SUMF1: variants seen among roughly 807,000 people sequenced by gnomAD.
SUMF1 encodes formylglycine-generating enzyme.
In SUMF1, 48 loss-of-function variants were observed where a neutral mutation model predicts 47.6. That is an observed-to-expected ratio of 1.01 (90% CI 0.80 to 1.28). The LOEUF is 1.28. Among genes scored for constraint, SUMF1 ranks in the 50% most tolerant of loss-of-function variants. The probability of loss-of-function intolerance (pLI) is 0.00; values close to 1 mark genes in which losing one functional copy is unlikely to be tolerated. For missense variants in SUMF1, 571 were observed against 485.4 expected (o/e 1.18, Z -1.66); for synonymous variants, 230 against 192.1 (o/e 1.20, Z -1.63).
At chr3:4,037,915 G>A (rs1401568766) in intron 9 of SUMF1, among the ~76,000 whole-genome samples, 2 of 152,114 alleles carry the variant, frequency 1.3e-5, no homozygotes, top group South Asian at 4.2e-4. Context: ...CACAGTTGGC[G>A]GGTTATGTTA....
intron 7 of SUMF1, among the ~76,000 whole-genome samples, chr3:4,400,950 G>A (rs1230150079): frequency 7.5e-6 from 1 of 133,544 alleles, no homozygotes; most frequent in Non-Finnish European, 1.7e-5. Context: ...TTCTCCTAAT[G>A]CTATCCCTCC....
intron 7 of SUMF1, among the ~76,000 whole-genome samples, chr3:4,383,098 G>C (rs1387340235): frequency 6.6e-6 from 1 of 151,820 alleles, no homozygotes; most frequent in Admixed American, 6.6e-5. Flanking sequence ...AGAGATCAGG[G>C]CCGGGCGCAG....
intron 6 of SUMF1, among the ~76,000 whole-genome samples, chr3:4,413,292 C>A (rs1412826316): frequency 2.0e-5 from 3 of 152,142 alleles, no homozygotes; most frequent in Non-Finnish European, 2.9e-5. Context: ...AAGCATGAGG[C>A]ACCAGACCCA....
intron 8 of SUMF1, among the ~76,000 whole-genome samples, chr3:4,165,234 A>C (rs1484309343): frequency 1.3e-5 from 2 of 152,168 alleles, no homozygotes; most frequent in East Asian, 3.8e-4. Context: ...CGTCTCTCCA[A>C]GTGAAGTCGA....
rs1190881290 is a variant in SUMF1, at chr3:4,217,512, TTTTA to T, written c.1015-148771_1015-148768del. Among the ~76,000 whole-genome samples the T allele has an allele frequency of 1.9e-4, 9 of 47,514 alleles. 2 individuals are homozygous for T. The highest frequency in any genetic ancestry group is 3.4e-4 in the African/African-American group (3 of 8,866). 31.2% of individuals were successfully genotyped at this position (47,514 alleles called of 152,430 possible). On this transcript the variant is annotated intron_variant and NMD_transcript_variant, in intron 8 of 12. Coordinates refer to the SUMF1 transcript ENST00000448413. The stretch of plus-strand genomic sequence containing the variant: ...CATGTATCCCAGAACTTAAAGTATT[TTTTA>T]TATATATATATATATATATATATGA...
chr3:4,367,185 A>AG (rs1559249372), intron 8 of SUMF1, among the ~76,000 whole-genome samples: 1 of 152,148 alleles, frequency 6.6e-6, no homozygotes, highest in Non-Finnish European at 1.5e-5. Flanking sequence ...GACCCACTTG[A>AG]GGAGGCAGTC....
At chr3:4,126,591 C>T (rs1243876718) in intron 8 of SUMF1, among the ~76,000 whole-genome samples, 1 of 152,032 alleles carries the variant, frequency 6.6e-6, no homozygotes. Context: ...CTAACTTCAG[C>T]AACAGGAGTC....
In SUMF1 at chr3:4,316,413, C is replaced by T. The variant is rs761457087; in HGVS notation, c.1014+59917G>A. ...CCTTGAAGATGAGGAGCGTAGTGGCCGGCCATCAGAAGTTGACAACGACCA... is the reference window on the plus strand; with the variant it reads ...CCTTGAAGATGAGGAGCGTAGTGGCTGGCCATCAGAAGTTGACAACGACCA... On this transcript the variant is annotated intron_variant and NMD_transcript_variant, in intron 8 of 12. Transcript: ENST00000448413. 22 of 1,582,776 alleles carry T rather than the reference C, an allele frequency of 1.4e-5. No individual in the cohort carries two copies. In the South Asian group the frequency reaches 1.7e-4, roughly 12 times the overall value.
chr3:4,144,121 A>G (rs1284762543), intron 8 of SUMF1, among the ~76,000 whole-genome samples: 1 of 151,056 alleles, frequency 6.6e-6, no homozygotes, highest in Non-Finnish European at 1.5e-5. Context: ...AGGCACCACC[A>G]TACCTGGCTA....
intron 9 of SUMF1, among the ~76,000 whole-genome samples, chr3:4,066,182 T>A (rs1695372420): frequency 6.6e-6 from 1 of 150,472 alleles, no homozygotes; most frequent in Non-Finnish European, 1.5e-5. Context: ...CCCTCCCCCA[T>A]CATTTACTGT....
chr3:4,098,701 C>T (rs769962643), intron 8 of SUMF1, among the ~76,000 whole-genome samples: 3 of 152,130 alleles, frequency 2.0e-5, no homozygotes, highest in Admixed American at 6.5e-5. Context: ...TAGGATTTTA[C>T]TTTGAAACCT....
chr3:4,145,842 T>G (rs795292), intron 8 of SUMF1, among the ~76,000 whole-genome samples: 118,910 of 152,060 alleles, frequency 0.78, 46,867 homozygotes, highest in Admixed American at 0.83. Context: ...TCAAAAGGCT[T>G]CCCAGCCCCA....
chr3:4,105,325 T>C (rs1693134144), intron 8 of SUMF1, among the ~76,000 whole-genome samples: 1 of 152,158 alleles, frequency 6.6e-6, no homozygotes, highest in South Asian at 2.1e-4. Flanking sequence ...AGGCTGGTGA[T>C]TATAGTTAAT....
chr3:4,231,526 CTTGAA>C (rs1323635179), intron 8 of SUMF1, among the ~76,000 whole-genome samples: 2 of 152,134 alleles, frequency 1.3e-5, no homozygotes, highest in Non-Finnish European at 2.9e-5. Flanking sequence ...AGAAATGAAA[CTTGAA>C]TTGATTATTT....
In SUMF1 at chr3:4,451,692, T is replaced by G. The variant is rs77811426; in HGVS notation, c.444+1184A>C. The stretch of plus-strand genomic sequence containing the variant: ...TACGAATGTGTACAAAAACGGTTTT[T>G]TTGTTTTTGTTTTTGAGACAGAGTC... On this transcript the variant is annotated intron_variant, in intron 2 of 8. Coordinates refer to ENST00000272902, the MANE Select transcript of SUMF1 (RefSeq NM_182760.4). Among the ~76,000 whole-genome samples the G allele has an allele frequency of 2.4e-3, 361 of 152,284 alleles. 2 individuals are homozygous for G. The highest frequency in any genetic ancestry group is 8.3e-3 in the African/African-American group (344 of 41,544).
At chr3:4,265,282 A>T (rs1697168719) in intron 8 of SUMF1, among the ~76,000 whole-genome samples, 1 of 152,052 alleles carries the variant, frequency 6.6e-6, no homozygotes, top group African/African-American at 2.4e-5. Context: ...AATGTTGAGT[A>T]TCTTAAAGAT....
chr3:4,207,014 T>G (rs1695668355), intron 8 of SUMF1, among the ~76,000 whole-genome samples: 1 of 152,164 alleles, frequency 6.6e-6, no homozygotes, highest in African/African-American at 2.4e-5. Context: ...TACTTACGTC[T>G]CATTAATTTC....
intron 7 of SUMF1, among the ~76,000 whole-genome samples, chr3:4,390,755 G>C (rs1700835814): frequency 6.6e-6 from 1 of 151,986 alleles, no homozygotes; most frequent in African/African-American, 2.4e-5. Flanking sequence ...GCTAATTTTT[G>C]TATTTTTTAT....
intron 8 of SUMF1, among the ~76,000 whole-genome samples, chr3:4,173,971 T>C (rs1025066915): frequency 2.0e-5 from 3 of 152,092 alleles, no homozygotes; most frequent in African/African-American, 7.2e-5. Context: ...GGCAGGAGTA[T>C]ACCTATGTAA....
Sources: allele counts gnomAD v4.1 joint callset (sites outside exome capture counted in the v4.1 genomes callset), GRCh38; gene constraint gnomAD v4.1.1; transcripts MANE v1.5; gene names NCBI Gene and HGNC (gene_info 2026-07-23, HGNC 2026-07-21).